The following SOX5 variants were observed in gnomAD, a reference collection of about 807,000 sequenced individuals.
The protein encoded by SOX5 is SRY-box transcription factor 5, also known as transcription factor SOX-5.
A neutral mutation model predicts 92.0 loss-of-function variants in SOX5; 9 were observed. The ratio of observed to expected loss-of-function variants is 0.10; its 90% CI spans 0.06 to 0.17. The LOEUF (loss-of-function observed/expected upper bound fraction) is 0.17, where lower values mean the gene tolerates loss of function less well. SOX5 is among the 10% of genes least tolerant of loss of function. The pLI, the probability that SOX5 is intolerant of heterozygous loss-of-function variation, is 1.00. For missense variants in SOX5, 642 were observed against 944.5 expected, an observed-to-expected ratio of 0.68 and a Z score of 4.20; for synonymous variants, 344 against 336.3, an observed-to-expected ratio of 1.02 and a Z score of -0.25.
chr12:24,283,017 T>C (rs1350184801), intron 2 of SOX5, among the ~76,000 whole-genome samples: 1 of 152,246 alleles, frequency 6.6e-6, no homozygotes, highest in African/African-American at 2.4e-5. Flanking sequence ...CTGTAAAATA[T>C]ATAAATATTA....
At chr12:23,867,015 C>A (rs746141777) in intron 2 of SOX5, among the ~76,000 whole-genome samples, 6 of 149,788 alleles carry the variant, frequency 4.0e-5, no homozygotes, top group Non-Finnish European at 7.5e-5. Flanking sequence ...CCTGGCCATG[C>A]GTTCCTTATT....
chr12:23,949,711 C>G, upstream of SOX5: 1 of 1,535,388 alleles, frequency 6.5e-7, no homozygotes, highest in Non-Finnish European at 8.8e-7. Flanking sequence ...CTCTCTGTCT[C>G]TTCCCCCCCT....
intron 3 of SOX5, among the ~76,000 whole-genome samples, chr12:24,241,066 A>G (rs780085826): frequency 2.4e-4 from 36 of 151,590 alleles, no homozygotes; most frequent in African/African-American, 8.3e-4. Context: ...CTCAGTTTTT[A>G]TAACTCTAGA....
chr12:23,860,543 C>G (rs1324584316), intron 2 of SOX5, among the ~76,000 whole-genome samples: 3 of 152,134 alleles, frequency 2.0e-5, no homozygotes, highest in African/African-American at 7.2e-5. Flanking sequence ...GTCCGCCCAA[C>G]TAAATTAGTT....
intron 4 of SOX5, among the ~76,000 whole-genome samples, chr12:24,006,048 CTAATT>C (rs200633200): frequency 0.011 from 1,712 of 152,108 alleles, 13 homozygotes; most frequent in Non-Finnish European, 0.018. Context: ...TTATCACTGG[CTAATT>C]TAAATAGGCT....
chr12:24,027,140 C>T (rs974116273), intron 4 of SOX5, among the ~76,000 whole-genome samples: 3 of 151,996 alleles, frequency 2.0e-5, no homozygotes, highest in Non-Finnish European at 4.4e-5. Flanking sequence ...ACTCCTACTT[C>T]TTCAAAACAC....
chr12:23,624,035 A>G (rs964607422), intron 8 of SOX5, among the ~76,000 whole-genome samples: 2 of 152,128 alleles, frequency 1.3e-5, no homozygotes, highest in Non-Finnish European at 2.9e-5. Context: ...AACACATGCT[A>G]CAACATGGAT....
chr12:23,856,059 A>G (rs2096685102), intron 2 of SOX5, among the ~76,000 whole-genome samples: 1 of 152,118 alleles, frequency 6.6e-6, no homozygotes. Context: ...GTCTAAAAGT[A>G]ATGGTGAGGT....
chr12:24,318,707 C>A (rs1949936501), intron 2 of SOX5, among the ~76,000 whole-genome samples: 1 of 152,110 alleles, frequency 6.6e-6, no homozygotes, highest in Non-Finnish European at 1.5e-5. Context: ...TGGTGAAGAT[C>A]AATGATTTGA....
chr12:24,305,952 A>G (rs1326096605), intron 2 of SOX5, among the ~76,000 whole-genome samples: 4 of 152,216 alleles, frequency 2.6e-5, no homozygotes, highest in Non-Finnish European at 5.9e-5. Flanking sequence ...TTTAAAAAGC[A>G]AATCAAGACC....
chr12:23,714,271 C>G (rs562176644), intron 6 of SOX5, among the ~76,000 whole-genome samples: 1 of 152,186 alleles, frequency 6.6e-6, no homozygotes, highest in African/African-American at 2.4e-5. Context: ...AAGGCAATGG[C>G]AATAGACTAA....
At chr12:23,666,159 C>A (rs1026107711) in intron 6 of SOX5, among the ~76,000 whole-genome samples, 1 of 150,730 alleles carries the variant, frequency 6.6e-6, no homozygotes, top group Non-Finnish European at 1.5e-5. Flanking sequence ...CAAAAGATAA[C>A]TGACTAGCCA....
At chr12:23,767,794 T>C (rs980768559) in intron 3 of SOX5, among the ~76,000 whole-genome samples, 3 of 146,852 alleles carry the variant, frequency 2.0e-5, no homozygotes, top group African/African-American at 7.6e-5. Context: ...ACTGATCTTT[T>C]CAGAAATAAA....
intron 1 of SOX5, among the ~76,000 whole-genome samples, chr12:23,930,282 C>T (rs1208852606): frequency 2.0e-5 from 3 of 151,606 alleles, no homozygotes; most frequent in African/African-American, 7.3e-5. Flanking sequence ...CTGAATGTAG[C>T]AATTTGGCTA....
intron 3 of SOX5, among the ~76,000 whole-genome samples, chr12:23,812,136 C>T (rs1165495979): frequency 6.6e-6 from 1 of 151,940 alleles, no homozygotes; most frequent in Non-Finnish European, 1.5e-5. Context: ...TGAAACAACA[C>T]TCAAAAGAAA....
chr12:24,403,658 CCAAGCTTATTT>C (rs1962258612), intron 1 of SOX5, among the ~76,000 whole-genome samples: 1 of 152,180 alleles, frequency 6.6e-6, no homozygotes, highest in Non-Finnish European at 1.5e-5. Flanking sequence ...CACACCTGTG[CCAAGCTTATTT>C]ACATGGCCAA....
chr12:23,942,825 A>G (rs1943913637), intron 1 of SOX5, among the ~76,000 whole-genome samples: 1 of 152,042 alleles, frequency 6.6e-6, no homozygotes, highest in Non-Finnish European at 1.5e-5. Flanking sequence ...CTCCACAATG[A>G]GAAATATTAA....
At chr12:24,282,373 A>C (rs1210481894) in intron 2 of SOX5, among the ~76,000 whole-genome samples, 1 of 150,854 alleles carries the variant, frequency 6.6e-6, no homozygotes, top group African/African-American at 2.5e-5. Context: ...TAAATCAATA[A>C]ATAAAAATTA....
intron 6 of SOX5, among the ~76,000 whole-genome samples, chr12:23,725,536 A>G (rs886857049): frequency 5.9e-5 from 9 of 152,192 alleles, no homozygotes; most frequent in African/African-American, 2.2e-4. Context: ...TATGGGAGCT[A>G]CAATTCAAAA....
Sources: allele counts gnomAD v4.1 joint callset (sites outside exome capture counted in the v4.1 genomes callset), GRCh38; gene constraint gnomAD v4.1.1; transcripts MANE v1.5; gene names NCBI Gene and HGNC (gene_info 2026-07-23, HGNC 2026-07-21).